Variants in RNF216 observed in about 807,000 individuals in gnomAD.
RNF216 encodes ring finger protein 216.
Under a neutral mutation model 110.8 loss-of-function variants are expected in RNF216, and 72 were observed. The observed-to-expected ratio is 0.65, with a 90% CI of 0.54 to 0.79. The LOEUF (loss-of-function observed/expected upper bound fraction) is 0.79. Ranked by LOEUF, RNF216 falls within the 30% of genes least tolerant of loss-of-function variation. The pLI, the probability that RNF216 is intolerant of heterozygous loss-of-function variation, is 0.00. For synonymous variants in RNF216, 495 were observed against 407.5 expected, an observed-to-expected ratio of 1.21 and a Z score of -2.59; for missense variants, 1,342 against 1,141.2, an observed-to-expected ratio of 1.18 and a Z score of -2.54.
At chr7:5,780,797 G>C (rs1158938742) in intron 1 of RNF216, among the ~76,000 whole-genome samples, 3 of 152,328 alleles carry the variant, frequency 2.0e-5, no homozygotes, top group African/African-American at 7.2e-5. Context: ...CAGGCCCTTA[G>C]GGATTTACAG....
intron 1 of RNF216, chr7:5,767,047 A>G (rs1796244728): frequency 6.6e-6 from 1 of 152,246 alleles, no homozygotes; most frequent in Non-Finnish European, 1.5e-5. Flanking sequence ...CAAGAACCCT[A>G]TAATCCTGGC....
chr7:5,744,130 T>G (rs568800277), intron 3 of RNF216, among the ~76,000 whole-genome samples: 1 of 152,094 alleles, frequency 6.6e-6, no homozygotes, highest in Non-Finnish European at 1.5e-5. Flanking sequence ...ACAGCATGTT[T>G]AGGGAAATCA....
chr7:5,699,491 A>C (rs187787835), intron 13 of RNF216, among the ~76,000 whole-genome samples: 1 of 152,170 alleles, frequency 6.6e-6, no homozygotes, highest in Non-Finnish European at 1.5e-5. Flanking sequence ...TGCTCAAGCT[A>C]TTCTTCCCAT....
chr7:5,763,793 G>T (rs1328910887), intron 1 of RNF216, among the ~76,000 whole-genome samples: 1 of 152,090 alleles, frequency 6.6e-6, no homozygotes. Flanking sequence ...GGCTGGTTTG[G>T]ATATCCCGGT....
At chr7:5,760,220 A>G (rs1253534007) in intron 2 of RNF216, among the ~76,000 whole-genome samples, 1 of 152,194 alleles carries the variant, frequency 6.6e-6, no homozygotes, top group Non-Finnish European at 1.5e-5. Flanking sequence ...CCAAAACTTT[A>G]AAAACTGTAG....
chr7:5,667,567 C>A (rs1191729696), intron 13 of RNF216, among the ~76,000 whole-genome samples: 1 of 152,214 alleles, frequency 6.6e-6, no homozygotes, highest in African/African-American at 2.4e-5. Flanking sequence ...CAGATCTAAT[C>A]ATTTCAAACT....
intron 2 of RNF216, among the ~76,000 whole-genome samples, chr7:5,759,804 G>C (rs917858608): frequency 6.6e-6 from 1 of 151,690 alleles, no homozygotes; most frequent in African/African-American, 2.4e-5. Context: ...GCTAATTTTT[G>C]TATTTTTTAG....
chr7:5,735,265 C>G (rs1794328565), intron 5 of RNF216, among the ~76,000 whole-genome samples: 1 of 152,098 alleles, frequency 6.6e-6, no homozygotes, highest in African/African-American at 2.4e-5. Context: ...GCAATAATCT[C>G]TAAAGAAACC....
chr7:5,751,775 G>A (rs1377012293), intron 3 of RNF216, among the ~76,000 whole-genome samples: 4 of 130,108 alleles, frequency 3.1e-5, no homozygotes, highest in African/African-American at 5.9e-5. Context: ...TTTATGGAAG[G>A]AAGTGTTCCT....
intron 13 of RNF216, among the ~76,000 whole-genome samples, chr7:5,673,116 G>A (rs1038277836): frequency 5.9e-5 from 9 of 152,166 alleles, no homozygotes; most frequent in African/African-American, 9.6e-5. Flanking sequence ...CTGGACCTCC[G>A]GAGACCAATG....
chr7:5,713,920 C>T (rs1203988725), intron 11 of RNF216, among the ~76,000 whole-genome samples: 1 of 152,220 alleles, frequency 6.6e-6, no homozygotes, highest in Non-Finnish European at 1.5e-5. Context: ...CTCAAGATCA[C>T]AGGGCTAGTA....
At chr7:5,731,022 T>A (rs1430183448) in intron 5 of RNF216, among the ~76,000 whole-genome samples, 2 of 152,140 alleles carry the variant, frequency 1.3e-5, no homozygotes, top group Admixed American at 6.5e-5. Context: ...GACAAAAAAA[T>A]TTAAAAAGCA....
Position 5,750,880 on chromosome 7 carries a change from G to A in RNF216, c.201+1966C>T, listed in dbSNP as rs185411542. ...TTAATTTAACCCAGTCATGGGATGC[G>A]AGATTACCTACTAACTCAACAGAGA... On this transcript the variant is annotated intron_variant, in intron 3 of 16. Coordinates refer to ENST00000389902, the MANE Select transcript of RNF216 (RefSeq NM_207111.4). Among the ~76,000 whole-genome samples the A allele has an allele frequency of 2.0e-3, 310 of 152,324 alleles. 1 individual carries two copies. Among genetic ancestry groups the A allele is most frequent in the African/African-American group, 7.0e-3 (293 of 41,564 alleles).
chr7:5,648,641 C>T (rs567764113), intron 14 of RNF216, among the ~76,000 whole-genome samples: 192 of 149,928 alleles, frequency 1.3e-3, no homozygotes, highest in Non-Finnish European at 2.4e-3. Context: ...GGCAGGAGAA[C>T]GGTGTGAACC....
At chr7:5,765,685 G>T (rs1796166610) in intron 1 of RNF216, among the ~76,000 whole-genome samples, 1 of 151,080 alleles carries the variant, frequency 6.6e-6, no homozygotes, top group Non-Finnish European at 1.5e-5. Context: ...GCTCACACCT[G>T]TAATCCCAGT....
In RNF216 at chr7:5,652,461, G is replaced by C. The variant is rs528531458; in HGVS notation, c.2111C>G (p.Thr704Ser). Residue 704 changes from threonine to serine, a missense_variant, in exon 14 of 17, where the codon ACC (threonine) becomes AGC (serine). Physicochemically the swap from Thr to Ser is moderately conservative, Grantham distance 58. Coordinates refer to ENST00000389902, the MANE Select transcript of RNF216 (RefSeq NM_207111.4). ...GTCTTTTTCAGCCAGCTCTTCACAG[G>C]TGAGGCCATTATGTTCTTTCCAGAG... ...QGLWKEHNGL[T>S]CEELAEKDDI... The C allele has an allele frequency of 6.2e-7, 1 of 1,613,950 alleles. No homozygotes were observed. Among genetic ancestry groups the C allele is most frequent in the Admixed American group, 1.7e-5 (1 of 60,014 alleles).
Position 5,625,262 on chromosome 7 carries a change from G to A in RNF216, c.2383-1137C>T, listed in dbSNP as rs193173399. Among the ~76,000 whole-genome samples, 529 of 152,342 alleles carry A rather than the reference G, an allele frequency of 3.5e-3. 5 individuals carry two copies. Among genetic ancestry groups the A allele is most frequent in the Non-Finnish European group, 3.0e-3 (204 of 68,030 alleles). On this transcript the variant is annotated intron_variant, in intron 15 of 16. Coordinates refer to ENST00000389902, the MANE Select transcript of RNF216 (RefSeq NM_207111.4). ...GGTCCTCCAGGAGTTGAGAGCAGCC[G>A]AGCTGGGGAGAAGGATGGGGAGGGA...
At chr7:5,700,772 C>A (rs1791913785) in intron 13 of RNF216, among the ~76,000 whole-genome samples, 1 of 152,144 alleles carries the variant, frequency 6.6e-6, no homozygotes, top group Non-Finnish European at 1.5e-5. Context: ...TCCACAAGGA[C>A]AGTCCAAGGT....
rs78111716 is a variant in RNF216 at position 5,655,766 on chromosome 7, A to G, written c.2062-3256T>C. ...GTACTCTCTCTTCTAAACAGTGTAA[A>G]TTTTACTAAATTGTAATTTTCTCCT... On this transcript the variant is annotated intron_variant, in intron 13 of 16. Transcript: ENST00000389902. Among the ~76,000 whole-genome samples the G allele has an allele frequency of 2.8e-3, 409 of 147,536 alleles. 5 individuals are homozygous for G. The highest frequency in any genetic ancestry group is 0.011 in the Middle Eastern group (3 of 284).
Sources: gnomAD v4.1 joint callset for allele counts (sites outside exome capture counted in the v4.1 genomes callset) on GRCh38, gnomAD v4.1.1 for gene constraint, MANE v1.5 for transcripts, NCBI Gene and HGNC (gene_info 2026-07-23, HGNC 2026-07-21) for gene names.